NKAIN2: variants seen among roughly 807,000 people sequenced by gnomAD.
The protein encoded by NKAIN2 is sodium/potassium transporting ATPase interacting 2.
A neutral mutation model predicts 32.6 loss-of-function variants in NKAIN2; 14 were observed. That is an observed-to-expected ratio of 0.43 (90% CI 0.28 to 0.67). The LOEUF is 0.67. Among genes scored for constraint, NKAIN2 ranks in the 30% least tolerant of loss-of-function variants. The pLI, the probability that NKAIN2 is intolerant of heterozygous loss-of-function variation, is 0.17. For missense variants in NKAIN2, 198 were observed against 258.3 expected, an observed-to-expected ratio of 0.77 and a Z score of 1.60; for synonymous variants, 80 against 87.2, an observed-to-expected ratio of 0.92 and a Z score of 0.46.
At chr6:124,797,224 C>A (rs1355748977) in intron 5 of NKAIN2, among the ~76,000 whole-genome samples, 3 of 147,412 alleles carry the variant, frequency 2.0e-5, no homozygotes, top group African/African-American at 7.5e-5. Context: ...TATTACTTCT[C>A]AATTTTTATT....
intron 1 of NKAIN2, among the ~76,000 whole-genome samples, chr6:124,056,276 AT>A (rs992077864): frequency 1.3e-5 from 2 of 151,436 alleles, no homozygotes; most frequent in South Asian, 2.1e-4. Context: ...TTGGTACTAC[AT>A]TTTTTTCTCA....
At chr6:124,229,533 T>TAGATAGATAGACAGACAGACAGAC (rs1298590453) in intron 1 of NKAIN2, among the ~76,000 whole-genome samples, 127 of 149,168 alleles carry the variant, frequency 8.5e-4, no homozygotes, top group African/African-American at 3.0e-3. Flanking sequence ...GATAGATAGA[T>TAGATAGATAGACAGACAGACAGAC]AGACAGACAG....
intron 4 of NKAIN2, among the ~76,000 whole-genome samples, chr6:124,676,325 T>A (rs150777222): frequency 2.7e-4 from 41 of 152,312 alleles, no homozygotes; most frequent in Admixed American, 7.8e-4. Flanking sequence ...GTTCTGTATA[T>A]GTCTTTTAGC....
At chr6:124,435,361 A>G (rs1775396021) in intron 3 of NKAIN2, among the ~76,000 whole-genome samples, 2 of 152,172 alleles carry the variant, frequency 1.3e-5, no homozygotes, top group African/African-American at 2.4e-5. Flanking sequence ...ATAAGTTTCC[A>G]TAAAAAACAA....
At position 124,105,338 on chromosome 6, in the gene NKAIN2, G is replaced by A. The variant is rs975824517; in HGVS notation, c.55-177667G>A. On this transcript the variant is annotated intron_variant, in intron 1 of 6. Transcript: ENST00000368417. Reference sequence around the variant, plus strand: ...CGTCAGTGGGTTCAGGGGCTGAAATGATCCCCTGGGGCCAGTGGTAGAGTC... The same window carrying A: ...CGTCAGTGGGTTCAGGGGCTGAAATAATCCCCTGGGGCCAGTGGTAGAGTC... Among the ~76,000 whole-genome samples, 5 of 152,276 alleles carry A rather than the reference G, an allele frequency of 3.3e-5. No homozygotes were observed. In the East Asian group the frequency reaches 9.7e-4, roughly 29 times the overall value.
At chr6:123,852,986 T>C (rs1252033243) in intron 1 of NKAIN2, among the ~76,000 whole-genome samples, 1 of 152,234 alleles carries the variant, frequency 6.6e-6, no homozygotes, top group Admixed American at 6.5e-5. Context: ...CAGATGCTAG[T>C]GTGATAGCCC....
intron 2 of NKAIN2, among the ~76,000 whole-genome samples, chr6:124,345,080 A>G (rs912530780): frequency 6.6e-6 from 1 of 152,122 alleles, no homozygotes; most frequent in Admixed American, 6.5e-5. Context: ...TTCTGCATCT[A>G]TTGAGATAAT....
At chr6:124,290,351 T>G (rs1225705130) in intron 2 of NKAIN2, among the ~76,000 whole-genome samples, 2 of 151,644 alleles carry the variant, frequency 1.3e-5, no homozygotes, top group Non-Finnish European at 2.9e-5. Context: ...TTGTGATATG[T>G]TTAAGTATTA....
intron 3 of NKAIN2, among the ~76,000 whole-genome samples, chr6:124,406,448 A>T (rs1055363399): frequency 6.6e-6 from 1 of 152,006 alleles, no homozygotes; most frequent in African/African-American, 2.4e-5. Flanking sequence ...ATACATGACA[A>T]TTTTTCAATC....
chr6:123,923,851 T>G (rs1369327182), intron 1 of NKAIN2, among the ~76,000 whole-genome samples: 1 of 146,018 alleles, frequency 6.8e-6, no homozygotes, highest in East Asian at 2.1e-4. Flanking sequence ...AGATGACGAG[T>G]TAGTGGGTGC....
chr6:124,485,985 C>T (rs772939366), intron 3 of NKAIN2, among the ~76,000 whole-genome samples: 24 of 152,250 alleles, frequency 1.6e-4, no homozygotes, highest in Non-Finnish European at 2.4e-4. Flanking sequence ...GATGTGCCTT[C>T]GTCATTGATT....
chr6:123,945,982 C>T (rs768528906), intron 1 of NKAIN2, among the ~76,000 whole-genome samples: 62 of 152,088 alleles, frequency 4.1e-4, no homozygotes, highest in Non-Finnish European at 7.9e-4. Context: ...TTAAACTTAA[C>T]GTTTTCCTTA....
At chr6:124,077,548 A>G (rs1483901630) in intron 1 of NKAIN2, among the ~76,000 whole-genome samples, 2 of 152,186 alleles carry the variant, frequency 1.3e-5, no homozygotes, top group Non-Finnish European at 2.9e-5. Flanking sequence ...AATTTTATCA[A>G]TGCAGCAGCC....
At chr6:124,034,934 T>C (rs1367696682) in intron 1 of NKAIN2, among the ~76,000 whole-genome samples, 3 of 152,006 alleles carry the variant, frequency 2.0e-5, no homozygotes, top group African/African-American at 7.2e-5. Context: ...TTTGTTACCC[T>C]TTTTTCTAAC....
intron 1 of NKAIN2, among the ~76,000 whole-genome samples, chr6:123,825,579 A>G (rs1365483983): frequency 1.3e-5 from 2 of 152,092 alleles, no homozygotes; most frequent in African/African-American, 2.4e-5. Flanking sequence ...CTCAGACGCC[A>G]TTAAAAGGAT....
At chr6:124,781,386 C>T (rs1004257194) in intron 4 of NKAIN2, among the ~76,000 whole-genome samples, 2 of 151,988 alleles carry the variant, frequency 1.3e-5, no homozygotes, top group Admixed American at 1.3e-4. Context: ...AAGATGTTAC[C>T]ACATGCCCAG....
intron 4 of NKAIN2, among the ~76,000 whole-genome samples, chr6:124,779,547 G>GA (rs1779162804): frequency 6.6e-6 from 1 of 152,128 alleles, no homozygotes; most frequent in Admixed American, 6.6e-5. Context: ...CATCCTGGAA[G>GA]AGTTTTGCTA....
chr6:124,463,131 AT>A (rs1776599346), intron 3 of NKAIN2, among the ~76,000 whole-genome samples: 1 of 152,038 alleles, frequency 6.6e-6, no homozygotes. Context: ...TAAAGCTGAG[AT>A]TTACGTGAAT....
intron 1 of NKAIN2, among the ~76,000 whole-genome samples, chr6:124,232,964 C>T (rs1166716231): frequency 6.6e-6 from 1 of 152,038 alleles, no homozygotes; most frequent in Non-Finnish European, 1.5e-5. Flanking sequence ...ATGCTGATTC[C>T]TCAGAGCAGG....
Sources: gnomAD v4.1 joint callset for allele counts (sites outside exome capture counted in the v4.1 genomes callset) on GRCh38, gnomAD v4.1.1 for gene constraint, MANE v1.5 for transcripts, NCBI Gene and HGNC (gene_info 2026-07-23, HGNC 2026-07-21) for gene names.